Variants in L2HGDH observed in about 807,000 individuals in gnomAD.
L2HGDH encodes the protein L-2-hydroxyglutarate dehydrogenase, mitochondrial.
L2HGDH carries 34 observed loss-of-function variants against 51.5 expected under a neutral mutation model. That is an observed-to-expected ratio of 0.66 (90% CI 0.50 to 0.88). The LOEUF is 0.88. Among genes scored for constraint, L2HGDH ranks in the 40% least tolerant of loss-of-function variants. The pLI is 0.00. For missense variants in L2HGDH, 558 were observed against 571.9 expected (o/e 0.98, Z 0.25); for synonymous variants, 198 against 197.9 (o/e 1.00, Z -0.01).
At chr14:50,287,555 T>G (rs1890626232) in intron 4 of L2HGDH, among the ~76,000 whole-genome samples, 1 of 152,052 alleles carries the variant, frequency 6.6e-6, no homozygotes, top group African/African-American at 2.4e-5. Flanking sequence ...AAAATTGGCA[T>G]GTCCTTTTGA....
rs984969715 is a variant in L2HGDH, at chr14:50,243,339, T to C, written c.*3719A>G. On this transcript the variant is annotated 3_prime_UTR_variant, in exon 10 of 10. Transcript: ENST00000267436. ...TAAATGACTCAACCTCATTTTGTATTATATACTAACACAGAAATGAGTTTT... is the reference window on the plus strand; with the variant it reads ...TAAATGACTCAACCTCATTTTGTATCATATACTAACACAGAAATGAGTTTT... 5 of 984,748 alleles carry C rather than the reference T, an allele frequency of 5.1e-6. No individual in the cohort carries two copies. In the East Asian group the frequency reaches 5.7e-4, roughly 112 times the overall value. 61.0% of individuals were successfully genotyped at this position (984,748 alleles called of 1,614,324 possible).
At position 50,308,283 on chromosome 14, in the gene L2HGDH, G is replaced by A. The variant is rs542464561; in HGVS notation, c.140+3728C>T. On this transcript the variant is annotated intron_variant, in intron 1 of 9. Coordinates refer to ENST00000267436, the MANE Select transcript of L2HGDH (RefSeq NM_024884.3). ...CGCATGCCTGTAATCCCAGCTACTC[G>A]GGAGGCTGAGGCAGGAGAATTGCTT... Among the ~76,000 whole-genome samples, 38 of 152,190 alleles carry A rather than the reference G, an allele frequency of 2.5e-4. 1 individual carries two copies. Among genetic ancestry groups the A allele is most frequent in the Middle Eastern group, 3.4e-3 (1 of 294 alleles).
At chr14:50,293,108 A>G (rs1465500890) in intron 4 of L2HGDH, 1 of 647,978 alleles carries the variant, frequency 1.5e-6, no homozygotes, top group Non-Finnish European at 2.8e-6. Context: ...GTAAGAACCC[A>G]TTTAAAAAAA....
intron 3 of L2HGDH, among the ~76,000 whole-genome samples, chr14:50,296,864 A>G (rs989318331): frequency 1.3e-5 from 2 of 152,194 alleles, no homozygotes; most frequent in Non-Finnish European, 2.9e-5. Context: ...TTAATGCAAA[A>G]CCCTGAACAA....
intron 1 of L2HGDH, among the ~76,000 whole-genome samples, chr14:50,303,860 G>A (rs540302797): frequency 5.1e-4 from 74 of 144,356 alleles, no homozygotes; most frequent in Non-Finnish European, 4.2e-4. Context: ...CTGGTCAGTA[G>A]TATAATCAAC....
At position 50,245,164 on chromosome 14, in the gene L2HGDH, C is replaced by T; in HGVS notation, c.*1894G>A. The T allele has an allele frequency of 1.0e-6, 1 of 985,382 alleles. No individual in the cohort carries two copies. Among genetic ancestry groups the T allele is most frequent in the Non-Finnish European group, 1.2e-6 (1 of 829,870 alleles). The allele number at this position is 985,382 out of a possible 1,614,324, so 61.0% of individuals were successfully genotyped here. A position where few individuals can be genotyped will look rare whatever the true frequency, so the allele number is the denominator to read the frequency against. On this transcript the variant is annotated 3_prime_UTR_variant, in exon 10 of 10. Transcript: ENST00000267436. ...TATTTATCAAAAATGGAAAAATATC[C>T]CTATACAAGTTTATAGGAGCCCTGA...
At chr14:50,285,450 G>C (rs1333387181) in intron 4 of L2HGDH, among the ~76,000 whole-genome samples, 1 of 152,106 alleles carries the variant, frequency 6.6e-6, no homozygotes, top group African/African-American at 2.4e-5. Flanking sequence ...CATTCCTTCT[G>C]TTTTGATACA....
chr14:50,269,352 G>A (rs1456526146), intron 6 of L2HGDH, 22 bp from the exon 7 acceptor site: 2 of 1,609,606 alleles, frequency 1.2e-6, no homozygotes, highest in African/African-American at 1.3e-5. Context: ...TAAAAGAACA[G>A]TTATTTGTAT....
At chr14:50,259,733 C>A (rs1371901290) in intron 9 of L2HGDH, among the ~76,000 whole-genome samples, 1 of 151,760 alleles carries the variant, frequency 6.6e-6, no homozygotes, top group Non-Finnish European at 1.5e-5. Context: ...ACTCAGGAGG[C>A]TGAGGCAGGA....
chr14:50,267,264 G>C (rs913033100), intron 8 of L2HGDH, among the ~76,000 whole-genome samples: 2 of 151,464 alleles, frequency 1.3e-5, no homozygotes, highest in African/African-American at 2.4e-5. Flanking sequence ...CTCACTGCAA[G>C]CTCTGCCTCC....
At chr14:50,310,628 A>C (rs920648146) in intron 1 of L2HGDH, among the ~76,000 whole-genome samples, 2 of 152,088 alleles carry the variant, frequency 1.3e-5, no homozygotes, top group African/African-American at 4.8e-5. Context: ...GCTTGAGCCC[A>C]GGAGGGTGGA....
intron 1 of L2HGDH, among the ~76,000 whole-genome samples, chr14:50,310,096 T>C (rs1010655256): frequency 6.6e-6 from 1 of 152,156 alleles, no homozygotes; most frequent in African/African-American, 2.4e-5. Flanking sequence ...TATGTAAAAC[T>C]GATGAAAGCT....
chr14:50,308,404 A>C (rs914772388), intron 1 of L2HGDH, among the ~76,000 whole-genome samples: 4 of 143,132 alleles, frequency 2.8e-5, no homozygotes, highest in Admixed American at 6.9e-5. Context: ...AAAAAAAAAA[A>C]AAAGTGGGCA....
At chr14:50,271,704 A>G (rs899013190) in intron 6 of L2HGDH, among the ~76,000 whole-genome samples, 18 of 152,084 alleles carry the variant, frequency 1.2e-4, no homozygotes, top group Non-Finnish European at 2.1e-4. Flanking sequence ...AAAGTCCCCA[A>G]TTAAAAAAAT....
intron 9 of L2HGDH, 59 bp from the exon 10 acceptor site, chr14:50,247,312 A>G (rs1888066280): frequency 6.3e-7 from 1 of 1,575,654 alleles, no homozygotes; most frequent in Non-Finnish European, 8.6e-7. Flanking sequence ...TTTACAAGTC[A>G]GCGTTTCCAA....
intron 9 of L2HGDH, among the ~76,000 whole-genome samples, chr14:50,248,038 G>A (rs569421276): frequency 1.3e-5 from 2 of 152,160 alleles, no homozygotes; most frequent in East Asian, 3.9e-4. Context: ...GGCCTCAAGT[G>A]ATCCTCCCAC....
chr14:50,302,532 C>A (rs572282932), intron 2 of L2HGDH, among the ~76,000 whole-genome samples: 2 of 152,076 alleles, frequency 1.3e-5, no homozygotes, highest in Non-Finnish European at 2.9e-5. Context: ...AGAGAAGAGC[C>A]GATGGATAAA....
At chr14:50,284,112 A>G (rs1890431434) in intron 4 of L2HGDH, 79 bp from the exon 5 acceptor site, 2 of 1,431,366 alleles carry the variant, frequency 1.4e-6, no homozygotes, top group Admixed American at 1.8e-5. Context: ...ATCAAGAAAC[A>G]ATTTTGTCCT....
At chr14:50,264,507 G>C (rs918112150) in intron 9 of L2HGDH, among the ~76,000 whole-genome samples, 1 of 152,216 alleles carries the variant, frequency 6.6e-6, no homozygotes, top group African/African-American at 2.4e-5. Flanking sequence ...AGTGCAGTAA[G>C]GTCCAAGAAA....
Sources: gnomAD v4.1 joint callset for allele counts (sites outside exome capture counted in the v4.1 genomes callset) on GRCh38, gnomAD v4.1.1 for gene constraint, MANE v1.5 for transcripts, NCBI Gene and HGNC (gene_info 2026-07-23, HGNC 2026-07-21) for gene names.